The following ZNF277 variants were observed in gnomAD, a reference collection of about 807,000 sequenced individuals.
ZNF277 encodes zinc finger protein 277.
Under a neutral mutation model 60.7 loss-of-function variants are expected in ZNF277, and 55 were observed. The ratio of observed to expected loss-of-function variants is 0.91; its 90% CI spans 0.73 to 1.13. The LOEUF is 1.13. Among genes scored for constraint, ZNF277 ranks in the 50% most tolerant of loss-of-function variants. The pLI, the probability that ZNF277 is intolerant of heterozygous loss-of-function variation, is 0.00. For missense variants in ZNF277, 510 were observed against 523.0 expected (o/e 0.98, Z 0.24); for synonymous variants, 178 against 179.3 (o/e 0.99, Z 0.06).
intron 7 of ZNF277, among the ~76,000 whole-genome samples, chr7:112,332,809 G>A (rs952738441): frequency 6.6e-6 from 1 of 152,192 alleles, no homozygotes; most frequent in Non-Finnish European, 1.5e-5. Context: ...CCTTTGAAAA[G>A]GAGTGAAGAA....
At chr7:112,239,384 C>T (rs1338285448) in intron 1 of ZNF277, among the ~76,000 whole-genome samples, 1 of 152,154 alleles carries the variant, frequency 6.6e-6, no homozygotes, top group African/African-American at 2.4e-5. Flanking sequence ...CCCTAGGGCT[C>T]AGTGGTAGCC....
chr7:112,312,602 G>A (rs748589310), intron 4 of ZNF277, among the ~76,000 whole-genome samples: 2 of 152,008 alleles, frequency 1.3e-5, no homozygotes, highest in Admixed American at 6.6e-5. Flanking sequence ...AAATGTACGC[G>A]TGCATGTGAA....
chr7:112,323,166 G>A (rs1322643251), intron 5 of ZNF277, among the ~76,000 whole-genome samples: 1 of 152,170 alleles, frequency 6.6e-6, no homozygotes, highest in African/African-American at 2.4e-5. Flanking sequence ...TGAGAGAGTA[G>A]GATCTTCACA....
At chr7:112,257,674 G>A (rs1315047270) in intron 1 of ZNF277, among the ~76,000 whole-genome samples, 2 of 152,060 alleles carry the variant, frequency 1.3e-5, no homozygotes, top group African/African-American at 4.8e-5. Context: ...AATAGGGAGT[G>A]GTAAGGGTCA....
intron 1 of ZNF277, among the ~76,000 whole-genome samples, chr7:112,246,408 A>G (rs1344671096): frequency 6.6e-6 from 1 of 152,108 alleles, no homozygotes; most frequent in African/African-American, 2.4e-5. Flanking sequence ...CAAACAAACA[A>G]AACAAAACCC....
chr7:112,215,056 A>T (rs1821845917), intron 1 of ZNF277, among the ~76,000 whole-genome samples: 1 of 152,196 alleles, frequency 6.6e-6, no homozygotes, highest in East Asian at 1.9e-4. Flanking sequence ...AAATATAGGG[A>T]CAAATGATGC....
intron 1 of ZNF277, among the ~76,000 whole-genome samples, chr7:112,270,214 T>G (rs1791637700): frequency 6.6e-6 from 1 of 152,126 alleles, no homozygotes; most frequent in Admixed American, 6.5e-5. Context: ...TCATGCTTCC[T>G]TCTTCAAAAT....
chr7:112,342,750 G>A lies in ZNF277; in HGVS notation c.*21G>A, dbSNP rs1281315499. On this transcript the variant is annotated 3_prime_UTR_variant, in exon 12 of 12. Coordinates refer to ENST00000361822, the MANE Select transcript of ZNF277 (RefSeq NM_021994.3). Reference sequence around the variant, plus strand: ...TATAAGAGTACTTGAAAACCTAGAAGAAACTACCACAGAAGCAATTTTTCA... The same window carrying A: ...TATAAGAGTACTTGAAAACCTAGAAAAAACTACCACAGAAGCAATTTTTCA... 1 of 1,490,088 alleles carries A rather than the reference G, an allele frequency of 6.7e-7. No individual in the cohort carries two copies. The highest frequency in any genetic ancestry group is 2.5e-5 in the East Asian group (1 of 40,348). 92.3% of individuals were successfully genotyped at this position (1,490,088 alleles called of 1,614,324 possible). A position where few individuals can be genotyped will look rare whatever the true frequency, so the allele number is the denominator to read the frequency against.
At chr7:112,250,127 C>T (rs1470364009) in intron 1 of ZNF277, among the ~76,000 whole-genome samples, 1 of 152,118 alleles carries the variant, frequency 6.6e-6, no homozygotes, top group Admixed American at 6.5e-5. Flanking sequence ...AGAGAATGTG[C>T]ACCTGGGGGT....
intron 1 of ZNF277, among the ~76,000 whole-genome samples, chr7:112,256,421 GTTTTT>G (rs779126085): frequency 1.0e-4 from 10 of 95,394 alleles, no homozygotes; most frequent in African/African-American, 4.5e-4. Flanking sequence ...CTTCTTTGGA[GTTTTT>G]TTTTTTTTTT....
At chr7:112,216,262 TGGACA>T (rs1452259028) in intron 1 of ZNF277, among the ~76,000 whole-genome samples, 1 of 152,224 alleles carries the variant, frequency 6.6e-6, no homozygotes, top group Non-Finnish European at 1.5e-5. Flanking sequence ...AAAAGCTCAC[TGGACA>T]AGGAATCAGA....
chr7:112,339,995 T>C, intron 10 of ZNF277, 110 bp downstream of exon 10: 2 of 940,578 alleles, frequency 2.1e-6, no homozygotes, highest in Admixed American at 1.9e-5. Flanking sequence ...CACCAAAACA[T>C]GTCTCTCTAT....
chr7:112,258,303 C>G (rs1791370286), intron 1 of ZNF277, among the ~76,000 whole-genome samples: 1 of 151,046 alleles, frequency 6.6e-6, no homozygotes. Flanking sequence ...GTTAGGATTA[C>G]TAGATTAAGC....
At chr7:112,326,360 C>T (rs930906279) in intron 5 of ZNF277, among the ~76,000 whole-genome samples, 2 of 150,914 alleles carry the variant, frequency 1.3e-5, no homozygotes, top group Non-Finnish European at 2.9e-5. Flanking sequence ...CTCTGCCTGA[C>T]ACCCTTCCCC....
intron 4 of ZNF277, among the ~76,000 whole-genome samples, chr7:112,303,719 T>C (rs1792531266): frequency 6.6e-6 from 1 of 152,142 alleles, no homozygotes; most frequent in Non-Finnish European, 1.5e-5. Context: ...TTTTATTTTG[T>C]ACGTCTACCT....
At chr7:112,277,682 G>A (rs1030158398) in intron 1 of ZNF277, among the ~76,000 whole-genome samples, 10 of 152,096 alleles carry the variant, frequency 6.6e-5, no homozygotes, top group African/African-American at 2.2e-4. Context: ...ACCATTGTTC[G>A]ACAGAGTAGA....
At chr7:112,238,846 A>G (rs1403926795) in intron 1 of ZNF277, among the ~76,000 whole-genome samples, 3 of 150,506 alleles carry the variant, frequency 2.0e-5, no homozygotes, top group African/African-American at 7.3e-5. Flanking sequence ...GTGTTAGGTT[A>G]CATGAATAAG....
chr7:112,310,076 T>A (rs149058969), intron 4 of ZNF277, among the ~76,000 whole-genome samples: 1 of 152,172 alleles, frequency 6.6e-6, no homozygotes, highest in Non-Finnish European at 1.5e-5. Flanking sequence ...TGTGGCTTCA[T>A]TGAGTAGGTA....
At chr7:112,250,675 T>A (rs962718006) in intron 1 of ZNF277, among the ~76,000 whole-genome samples, 1 of 152,126 alleles carries the variant, frequency 6.6e-6, no homozygotes, top group African/African-American at 2.4e-5. Context: ...GGTTCCCCGA[T>A]AGTTGAGAGT....
Sources: gnomAD v4.1 joint callset for allele counts (sites outside exome capture counted in the v4.1 genomes callset) on GRCh38, gnomAD v4.1.1 for gene constraint, MANE v1.5 for transcripts, NCBI Gene and HGNC (gene_info 2026-07-23, HGNC 2026-07-21) for gene names.